The following SERINC2 variants were observed in gnomAD, a reference collection of about 807,000 sequenced individuals.
SERINC2 encodes the protein tumor differentially expressed protein 2.
Under a neutral mutation model 54.2 loss-of-function variants are expected in SERINC2, and 56 were observed. That is an observed-to-expected ratio of 1.03 (90% CI 0.83 to 1.29). The LOEUF (loss-of-function observed/expected upper bound fraction) is 1.29, where lower values mean the gene tolerates loss of function less well. SERINC2 is among the 50% of genes most tolerant of loss of function. SERINC2 has a pLI of 0.00. For synonymous variants in SERINC2, 272 were observed against 253.1 expected, an observed-to-expected ratio of 1.07 and a Z score of -0.71; for missense variants, 614 against 607.4, an observed-to-expected ratio of 1.01 and a Z score of -0.12.
Position 31,421,582 on chromosome 1 carries a change from G to T in SERINC2, c.40-2111G>T, listed in dbSNP as rs74063723. 6.7e-3 allele frequency among the ~76,000 whole-genome samples: 1,020 copies of T among 152,338 alleles called. 14 individuals carry two copies. Among genetic ancestry groups the T allele is most frequent in the African/African-American group, 0.023 (973 of 41,576 alleles). ...ATTTCTAGTTTGGGGGAGAGTAAGA[G>T]GGGAGGCAGATGCCCGCCAGCAGGG... On this transcript the variant is annotated intron_variant, in intron 1 of 9. Coordinates refer to ENST00000373709, the MANE Select transcript of SERINC2 (RefSeq NM_178865.5).
At position 31,425,792 on chromosome 1, in the gene SERINC2, C is replaced by A; in HGVS notation, c.489C>A (p.Gly163=). The A allele has an allele frequency of 3.1e-6, 5 of 1,613,188 alleles. No individual in the cohort carries two copies. Among genetic ancestry groups the A allele is most frequent in the Non-Finnish European group, 4.2e-6 (5 of 1,179,784 alleles). ...GSFTNIWFYF[G]VVGSFLFILI... ...CCCACCCAGTCTGGTTCTACTTCGG[C>A]GTCGTGGGCTCCTTCCTCTTCATCC... is the stretch of plus-strand genomic sequence containing the variant. Residue 163 remains glycine (G), a synonymous_variant, in exon 5 of 10, where the codon GGC becomes GGA. Coordinates refer to ENST00000373709, the MANE Select transcript of SERINC2 (RefSeq NM_178865.5).
chr1:31,430,969 G>C (rs1382407554), intron 8 of SERINC2, among the ~76,000 whole-genome samples: 1 of 152,102 alleles, frequency 6.6e-6, no homozygotes, highest in Non-Finnish European at 1.5e-5. Context: ...ATTTTCTTCT[G>C]TTTTGGCCTT....
chr1:31,424,986 G>A, intron 3 of SERINC2, 113 bp downstream of exon 3: 3 of 784,956 alleles, frequency 3.8e-6, no homozygotes, highest in Non-Finnish European at 4.0e-6. Context: ...CCACGGGAGG[G>A]CACAGCATGG....
intron 8 of SERINC2, 111 bp from the exon 9 acceptor site, chr1:31,432,856 C>G: frequency 1.3e-6 from 1 of 792,778 alleles, no homozygotes; most frequent in Non-Finnish European, 2.0e-6. Flanking sequence ...TTGTTAACTC[C>G]CAGGCCCAGT....
Position 31,429,072 on chromosome 1 carries a change from A to G in SERINC2, c.871+4A>G. On this transcript the variant is annotated splice_donor_region_variant and intron_variant, in intron 7 of 9. Transcript: ENST00000373709. Reference sequence around the variant, plus strand: ...TCAGCCCTATCCAGTATCCCTGGTAAGTATGGGCCCAGGCTCAAGGAGGCC... The same window carrying G: ...TCAGCCCTATCCAGTATCCCTGGTAGGTATGGGCCCAGGCTCAAGGAGGCC... 1 of 1,612,178 alleles carries G rather than the reference A, an allele frequency of 6.2e-7. No individual in the cohort carries two copies. Among genetic ancestry groups the G allele is most frequent in the Non-Finnish European group, 8.5e-7 (1 of 1,178,294 alleles).
At chr1:31,421,471 A>C (rs1640900692) in intron 1 of SERINC2, among the ~76,000 whole-genome samples, 1 of 152,200 alleles carries the variant, frequency 6.6e-6, no homozygotes, top group Non-Finnish European at 1.5e-5. Context: ...GGACAGGTGG[A>C]CTGTTTCAAT....
intron 5 of SERINC2, among the ~76,000 whole-genome samples, chr1:31,426,207 G>A (rs1452998058): frequency 6.6e-6 from 1 of 152,126 alleles, no homozygotes; most frequent in Non-Finnish European, 1.5e-5. Context: ...TTTTGGTGGT[G>A]CCCAGGCTGA....
rs1287111672 is a variant in SERINC2, at chr1:31,414,205, G to T, written c.39+901G>T. ...CAACCTCTGTTCTGTAGCTGCAGCC[G>T]CAGAGGGGAGGGGCTCCAGCAAGAC... On this transcript the variant is annotated intron_variant, in intron 1 of 9. Coordinates refer to ENST00000373709, the MANE Select transcript of SERINC2 (RefSeq NM_178865.5). 3.0e-6 allele frequency: 4 copies of T among 1,355,712 alleles called. No homozygotes were observed. In the Admixed American group the frequency reaches 1.1e-4, roughly 37 times the overall value. 84.0% of individuals were successfully genotyped at this position (1,355,712 alleles called of 1,614,324 possible). A position where few individuals can be genotyped will look rare whatever the true frequency, so the allele number is the denominator to read the frequency against.
At chr1:31,414,320 GC>G (rs1640721922) in intron 1 of SERINC2, 2 of 1,274,270 alleles carry the variant, frequency 1.6e-6, no homozygotes, top group Admixed American at 4.1e-5. Context: ...CATTCAGGCA[GC>G]CCCCTCCCCC....
Position 31,413,315 on chromosome 1 carries a change from AC to A in SERINC2, c.39+15del. On this transcript the variant is annotated intron_variant, in intron 1 of 9. Transcript: ENST00000373709. The surrounding 1 kb of genome is among the most constrained non-coding windows in gnomAD (Gnocchi z 5.0). Reference sequence around the variant, plus strand: ...TCCCTGCTCAGCTGCGTGAGTCCCGACCCCGGCGCCCGCCCGCGCGCGCCGC... The same window carrying A: ...TCCCTGCTCAGCTGCGTGAGTCCCGACCCGGCGCCCGCCCGCGCGCGCCGC... The A allele has an allele frequency of 8.0e-7, 1 of 1,257,600 alleles. No homozygotes were observed. The highest frequency in any genetic ancestry group is 1.0e-6 in the Non-Finnish European group (1 of 1,001,768). The allele number at this position is 1,257,600 out of a possible 1,614,324, so 77.9% of individuals were successfully genotyped here.
At chr1:31,432,170 TGGATAGGGTGGA>T (rs1641305854) in intron 8 of SERINC2, among the ~76,000 whole-genome samples, 1 of 145,404 alleles carries the variant, frequency 6.9e-6, no homozygotes, top group African/African-American at 2.6e-5. Context: ...GTGGATAGGG[TGGATAGGGTGGA>T]TAGGGTGGTT....
At chr1:31,411,055 T>C (rs1321293261), upstream of SERINC2, among the ~76,000 whole-genome samples, 1 of 152,144 alleles carries the variant, frequency 6.6e-6, no homozygotes, top group Non-Finnish European at 1.5e-5. Context: ...AGGTCAGACA[T>C]TCATCCAGTA....
chr1:31,428,555 T>C (rs1553133945), intron 6 of SERINC2, among the ~76,000 whole-genome samples: 1 of 151,916 alleles, frequency 6.6e-6, no homozygotes, highest in Non-Finnish European at 1.5e-5. Flanking sequence ...AGGAGTCCTG[T>C]CTGAATACTG....
rs782093732 is a variant in SERINC2 at position 31,424,907 on chromosome 1, C to G, written c.392+34C>G. Reference sequence around the variant, plus strand: ...GGGGTCCCTGCCTGCACCCTGGGACCTTCCCCCAGTGCCTTGCCCGCTCCT... The same window carrying G: ...GGGGTCCCTGCCTGCACCCTGGGACGTTCCCCCAGTGCCTTGCCCGCTCCT... On this transcript the variant is annotated intron_variant, in intron 3 of 9. Transcript: ENST00000373709. The G allele has an allele frequency of 4.8e-5, 75 of 1,570,484 alleles. 2 individuals carry two copies. The highest frequency in any genetic ancestry group is 2.3e-4 in the South Asian group (20 of 86,590).
rs533163184 is a variant in SERINC2, at chr1:31,426,400, T to G, written c.611-254T>G. On this transcript the variant is annotated intron_variant, in intron 5 of 9. Transcript: ENST00000373709. ...AACAGCCTGTACCTCGTTCAGTTTT[T>G]GCAAGACTGTTTTGAGTTCATTGTA... Among the ~76,000 whole-genome samples, 11 of 152,334 alleles carry G rather than the reference T, an allele frequency of 7.2e-5. No individual in the cohort carries two copies. The South Asian group carries it at 2.3e-3, about 32-fold the overall frequency.
intron 8 of SERINC2, among the ~76,000 whole-genome samples, chr1:31,432,195 A>AGAGGGTGGAGAGGGTGGAGAGG (rs1641312966): frequency 4.0e-5 from 1 of 25,152 alleles, no homozygotes; most frequent in African/African-American, 1.1e-4. Flanking sequence ...GGGTGGTTAG[A>AGAGGGTGGAGAGGGTGGAGAGG]GTGGAGAGAG....
intron 3 of SERINC2, 123 bp from the exon 4 acceptor site, chr1:31,425,207 C>A (rs1641005859): frequency 1.3e-6 from 1 of 789,504 alleles, no homozygotes. Flanking sequence ...ACCAGAAAGC[C>A]CACCCTCACC....
At chr1:31,414,822 GA>G (rs1376733256) in intron 1 of SERINC2, 1 of 977,606 alleles carries the variant, frequency 1.0e-6, no homozygotes, top group Admixed American at 6.2e-5. Context: ...TGGAGATGTT[GA>G]GGGGCAGCCT....
chr1:31,420,350 A>T (rs1253048526), intron 1 of SERINC2, among the ~76,000 whole-genome samples: 1 of 152,150 alleles, frequency 6.6e-6, no homozygotes, highest in Non-Finnish European at 1.5e-5. Flanking sequence ...GATGTTTAAG[A>T]ACCAGAGCGA....
Sources: allele counts gnomAD v4.1 joint callset (sites outside exome capture counted in the v4.1 genomes callset), GRCh38; gene constraint gnomAD v4.1.1; non-coding constraint Gnocchi (gnomAD v3.1); transcripts MANE v1.5; gene names NCBI Gene and HGNC (gene_info 2026-07-23, HGNC 2026-07-21).